Variants in CASP5 observed in about 807,000 individuals in gnomAD.
The protein encoded by CASP5 is caspase 5.
In CASP5, 42 loss-of-function variants were observed where a neutral mutation model predicts 45.2. The observed-to-expected ratio is 0.93, with a 90% CI of 0.73 to 1.20. CASP5 has a LOEUF of 1.20. Ranked by LOEUF, CASP5 falls within the 50% of genes most tolerant of loss-of-function variation. The probability of loss-of-function intolerance (pLI) is 0.00; values close to 1 mark genes in which losing one functional copy is unlikely to be tolerated. For synonymous variants in CASP5, 209 were observed against 186.2 expected (o/e 1.12, Z -1.00); for missense variants, 512 against 532.2 (o/e 0.96, Z 0.37).
At chr11:105,011,696 A>G (rs11226586) in intron 1 of CASP5, among the ~76,000 whole-genome samples, 37,568 of 150,818 alleles carry the variant, frequency 0.25, 4,817 homozygotes, top group Non-Finnish European at 0.28. Context: ...TATAATGGCT[A>G]TAAAAAAATT....
chr11:105,017,755 T>A (rs1337491733), intron 1 of CASP5, among the ~76,000 whole-genome samples: 5 of 151,952 alleles, frequency 3.3e-5, no homozygotes, highest in Non-Finnish European at 7.4e-5. Flanking sequence ...CAGGAGAACT[T>A]CCCCAATATA....
In CASP5 at chr11:105,008,930, C is replaced by G; in HGVS notation, c.58G>C (p.Gly20Arg). 1 of 1,610,940 alleles carries G rather than the reference C, an allele frequency of 6.2e-7. No individual in the cohort carries two copies. The highest frequency in any genetic ancestry group is 8.5e-7 in the Non-Finnish European group (1 of 1,178,616). ...RRKNFEAMFKGILQSGLDNFV... is the reference protein window; with the variant it reads ...RRKNFEAMFKRILQSGLDNFV... Reference sequence around the variant, plus strand: ...TTATCCAATCCACTCTGAAGGATACCTTTGAACATAGCTTCAAAATTCTTA... The same window carrying G: ...TTATCCAATCCACTCTGAAGGATACGTTTGAACATAGCTTCAAAATTCTTA... The change falls in exon 2 of 10, where the codon GGT becomes CGT. Residue 20 changes from glycine to arginine, a missense_variant. Coordinates refer to ENST00000260315, the MANE Select transcript of CASP5 (RefSeq NM_004347.5).
At chr11:105,015,675 C>T (rs550962229) in intron 1 of CASP5, among the ~76,000 whole-genome samples, 7 of 151,998 alleles carry the variant, frequency 4.6e-5, no homozygotes, top group South Asian at 2.1e-4. Flanking sequence ...TCAGCCTGCC[C>T]GGCCAAAGAG....
At chr11:105,020,229 C>T (rs1318435619) in intron 1 of CASP5, among the ~76,000 whole-genome samples, 1 of 149,264 alleles carries the variant, frequency 6.7e-6, no homozygotes, top group Non-Finnish European at 1.5e-5. Context: ...TGGAAGCATT[C>T]CCTTTGAAAA....
intron 1 of CASP5, among the ~76,000 whole-genome samples, chr11:105,018,111 G>C (rs1156691448): frequency 6.6e-6 from 1 of 151,432 alleles, no homozygotes; most frequent in African/African-American, 2.4e-5. Flanking sequence ...AATGCTGAGA[G>C]ATTTTGTCAC....
chr11:105,019,472 A>C (rs1402206511), intron 1 of CASP5, among the ~76,000 whole-genome samples: 1 of 150,820 alleles, frequency 6.6e-6, no homozygotes, highest in African/African-American at 2.4e-5. Context: ...GATAATGGGG[A>C]TATCACCACC....
At chr11:105,002,342 C>T in intron 4 of CASP5, 141 bp from the exon 5 acceptor site, 1 of 651,012 alleles carries the variant, frequency 1.5e-6, no homozygotes, top group South Asian at 1.9e-5. Context: ...CTTCCTCTCT[C>T]TCAAGAGCCC....
chr11:105,009,690 G>T (rs1565387489), intron 1 of CASP5, among the ~76,000 whole-genome samples: 2 of 130,768 alleles, frequency 1.5e-5, no homozygotes, highest in African/African-American at 2.8e-5. Context: ...GTATAATTCA[G>T]ATTTTTACCA....
At chr11:105,007,050 T>G (rs1862032635) in intron 3 of CASP5, 33 bp downstream of exon 3, 1 of 1,576,752 alleles carries the variant, frequency 6.3e-7, no homozygotes, top group African/African-American at 1.4e-5. Context: ...TCTGGAAAAT[T>G]TAACATATTT....
intron 7 of CASP5, 142 bp downstream of exon 7, chr11:104,998,743 A>T (rs1258626994): frequency 9.3e-6 from 7 of 749,514 alleles, no homozygotes; most frequent in African/African-American, 3.5e-5. Context: ...CTCACAGCAC[A>T]CATAAGATCA....
Position 105,009,720 on chromosome 11 carries a change from C to CATATATAT in CASP5, c.8-748_8-741dup, listed in dbSNP as rs199695891. ...TTACCAGGAGATATATATATACACA[C>CATATATAT]ATATATATATATATATATATATATA... On this transcript the variant is annotated intron_variant, in intron 1 of 9. Transcript: ENST00000260315. Among the ~76,000 whole-genome samples, 134 of 63,994 alleles carry CATATATAT rather than the reference C, an allele frequency of 2.1e-3. 1 individual carries two copies. Among genetic ancestry groups the CATATATAT allele is most frequent in the South Asian group, 3.2e-3 (6 of 1,894 alleles). The allele number at this position is 63,994 out of a possible 152,430, so 42.0% of individuals were successfully genotyped here.
At chr11:104,995,197 T>G in intron 9 of CASP5, 1 of 152,362 alleles carries the variant, frequency 6.6e-6, no homozygotes, top group East Asian at 1.9e-4. Flanking sequence ...ACCTTTCAGA[T>G]TGTCTGTGAG....
rs753743648 is a variant in CASP5 at position 105,002,184 on chromosome 11, C to CT, written c.560dup (p.Arg188GlufsTer17). On this transcript the variant is annotated frameshift_variant, in exon 5 of 10. Transcript: ENST00000260315. LOFTEE classifies it high-confidence loss of function. ...GAGCCAGGCGTCTGCGGTCCTCTCT[C>CT]TTTTTTATTGGATAGATCTGCAGGA... The CT allele has an allele frequency of 1.4e-5, 22 of 1,613,872 alleles. No individual in the cohort carries two copies. Among genetic ancestry groups the CT allele is most frequent in the Admixed American group, 1.7e-5 (1 of 59,972 alleles).
At chr11:105,002,831 C>A (rs1464593851) in intron 4 of CASP5, among the ~76,000 whole-genome samples, 2 of 152,024 alleles carry the variant, frequency 1.3e-5, no homozygotes, top group East Asian at 3.9e-4. Flanking sequence ...CCATATGAAC[C>A]CTTGCCTGCT....
At chr11:104,997,845 A>G (rs1453402262) in intron 7 of CASP5, among the ~76,000 whole-genome samples, 1 of 152,084 alleles carries the variant, frequency 6.6e-6, no homozygotes, top group African/African-American at 2.4e-5. Flanking sequence ...AAGGATGAAT[A>G]AACTTTTAGG....
intron 2 of CASP5, among the ~76,000 whole-genome samples, chr11:105,008,218 A>C (rs1427197706): frequency 6.6e-6 from 1 of 152,150 alleles, no homozygotes; most frequent in Non-Finnish European, 1.5e-5. Context: ...AAATTTGTTT[A>C]GAAGAAAAAG....
Position 104,999,023 on chromosome 11 carries a change from G to A in CASP5, c.958C>T (p.His320Tyr). The change falls in exon 7 of 10, where the codon CAT (histidine) becomes TAT (tyrosine). Residue 320 changes from histidine to tyrosine, a missense_variant. By Grantham distance (83) the His-to-Tyr change is moderately conservative. Transcript: ENST00000260315. Reference protein sequence around the residue: ...IIVQACRGEKHGELWVRDSPA... With the variant: ...IIVQACRGEKYGELWVRDSPA... ...GAGTCTCTGACCCAGAGTTCCCCATGTTTTTCTGTAGAGACATCAACTTTC... is the reference window on the plus strand; with the variant it reads ...GAGTCTCTGACCCAGAGTTCCCCATATTTTTCTGTAGAGACATCAACTTTC... 4 of 1,593,034 alleles carry A rather than the reference G, an allele frequency of 2.5e-6. No homozygotes were observed. The highest frequency in any genetic ancestry group is 3.4e-6 in the Non-Finnish European group (4 of 1,173,482).
rs1164635830 is a variant in CASP5, at chr11:105,002,026, A to C, written c.717+2T>G. On this transcript the variant is annotated splice_donor_variant, in intron 5 of 9. Coordinates refer to ENST00000260315, the MANE Select transcript of CASP5 (RefSeq NM_004347.5). LOFTEE classifies it high-confidence loss of function. Reference sequence around the variant, plus strand: ...AGTGTGAGATGGCTTAGGGGTTCTTACCCTGGCTGTGAGATTCTTTTCGTC... The same window carrying C: ...AGTGTGAGATGGCTTAGGGGTTCTTCCCCTGGCTGTGAGATTCTTTTCGTC... The C allele has an allele frequency of 6.8e-6, 11 of 1,613,828 alleles. No homozygotes were observed. The highest frequency in any genetic ancestry group is 8.5e-6 in the Non-Finnish European group (10 of 1,179,892).
rs1245124190 is a variant in CASP5, at chr11:105,000,419, A to T, written c.794T>A (p.Met265Lys). 28 of 1,614,052 alleles carry T rather than the reference A, an allele frequency of 1.7e-5. No homozygotes were observed. The highest frequency in any genetic ancestry group is 2.4e-5 in the Non-Finnish European group (28 of 1,180,016). The stretch of plus-strand genomic sequence containing the variant: ...GATTCCCTCTAGGATGCCATGAGAC[A>T]TGAGTACCAAGAACGTGCTGTCAGA... ...KSSDSTFLVL[M>K]SHGILEGICG... The change falls in exon 6 of 10, where the codon ATG becomes AAG. Residue 265 changes from methionine (M) to lysine (K), a missense_variant. Transcript: ENST00000260315.
Sources: gnomAD v4.1 joint callset for allele counts (sites outside exome capture counted in the v4.1 genomes callset) on GRCh38, gnomAD v4.1.1 for gene constraint, MANE v1.5 for transcripts, NCBI Gene and HGNC (gene_info 2026-07-23, HGNC 2026-07-21) for gene names.